OPCML: variants seen among roughly 807,000 people sequenced by gnomAD.
OPCML encodes opioid binding protein/cell adhesion molecule like, also known as opioid-binding protein/cell adhesion molecule.
In OPCML, 13 loss-of-function variants were observed where a neutral mutation model predicts 37.8. The ratio of observed to expected loss-of-function variants is 0.34; its 90% CI spans 0.22 to 0.55. The LOEUF is 0.55. Ranked by LOEUF, OPCML falls within the 20% of genes least tolerant of loss-of-function variation. The pLI, the probability that OPCML is intolerant of heterozygous loss-of-function variation, is 0.91. For missense variants in OPCML, 341 were observed against 435.6 expected (o/e 0.78, Z 1.93); for synonymous variants, 176 against 168.8 (o/e 1.04, Z -0.33).
At chr11:132,429,319 G>A (rs904490838) in intron 7 of OPCML, among the ~76,000 whole-genome samples, 1 of 152,214 alleles carries the variant, frequency 6.6e-6, no homozygotes, top group Non-Finnish European at 1.5e-5. Flanking sequence ...CAAACCGACA[G>A]GAGTTGGATT....
chr11:133,411,445 G>T (rs879865057), intron 1 of OPCML, among the ~76,000 whole-genome samples: 1 of 152,152 alleles, frequency 6.6e-6, no homozygotes. Flanking sequence ...AGGGAGGAAG[G>T]TCAGGCCAGA....
At chr11:133,013,075 G>A (rs1410567293) in intron 1 of OPCML, among the ~76,000 whole-genome samples, 1 of 152,102 alleles carries the variant, frequency 6.6e-6, no homozygotes, top group African/African-American at 2.4e-5. Context: ...ACAAGGAGAA[G>A]TTATGTAACT....
chr11:132,718,375 GATAAA>G (rs1178573670), intron 2 of OPCML, among the ~76,000 whole-genome samples: 4 of 152,148 alleles, frequency 2.6e-5, no homozygotes, highest in African/African-American at 4.8e-5. Flanking sequence ...TATTTAGAAT[GATAAA>G]ATAAACCACA....
rs987947950 is a variant in OPCML at position 133,207,936 on chromosome 11, C to CAT, written c.62-264928_62-264927dup. 7.2e-5 allele frequency among the ~76,000 whole-genome samples: 11 copies of CAT among 152,284 alleles called. 1 individual carries two copies. Among genetic ancestry groups the CAT allele is most frequent in the Non-Finnish European group, 2.9e-5 (2 of 68,032 alleles). On this transcript the variant is annotated intron_variant, in intron 1 of 7. Coordinates refer to ENST00000524381, the MANE Select transcript of OPCML (RefSeq NM_001012393.5). ...TTTACTTCGCCGCAGGGTCTTCATT[C>CAT]ATGCTGTGTTTTTGCCTGAAAAATA...
intron 1 of OPCML, among the ~76,000 whole-genome samples, chr11:133,379,106 T>C (rs1565603101): frequency 6.6e-6 from 1 of 151,152 alleles, no homozygotes; most frequent in South Asian, 2.1e-4. Context: ...TTTAAGTCTT[T>C]GAAAAGGGTA....
At chr11:132,986,986 G>A (rs150368901) in intron 1 of OPCML, among the ~76,000 whole-genome samples, 195 of 152,308 alleles carry the variant, frequency 1.3e-3, no homozygotes, top group African/African-American at 4.3e-3. Flanking sequence ...CCAGTGAGAC[G>A]ATGCGAATGT....
intron 1 of OPCML, among the ~76,000 whole-genome samples, chr11:133,453,204 A>T (rs920623689): frequency 1.3e-5 from 2 of 152,230 alleles, no homozygotes; most frequent in African/African-American, 4.8e-5. Context: ...TAAATTAAAT[A>T]AAATAAATCT....
intron 3 of OPCML, among the ~76,000 whole-genome samples, chr11:132,530,758 C>T (rs979912759): frequency 6.6e-6 from 1 of 152,122 alleles, no homozygotes; most frequent in African/African-American, 2.4e-5. Flanking sequence ...ACTGACAAAC[C>T]TCATCTCAGG....
intron 1 of OPCML, among the ~76,000 whole-genome samples, chr11:133,336,843 A>T (rs1391743442): frequency 4.6e-5 from 7 of 152,254 alleles, no homozygotes; most frequent in Non-Finnish European, 1.0e-4. Flanking sequence ...GATTTTCTAC[A>T]GATGGAAATA....
intron 1 of OPCML, among the ~76,000 whole-genome samples, chr11:133,216,747 A>G (rs1373186999): frequency 1.3e-5 from 2 of 152,224 alleles, no homozygotes; most frequent in Non-Finnish European, 2.9e-5. Flanking sequence ...CTTATTAACT[A>G]TCATGTAATA....
At chr11:133,120,500 T>C (rs1949403874) in intron 1 of OPCML, among the ~76,000 whole-genome samples, 1 of 152,158 alleles carries the variant, frequency 6.6e-6, no homozygotes, top group Non-Finnish European at 1.5e-5. Context: ...AATCAACTGA[T>C]AGGATTCTCT....
intron 1 of OPCML, among the ~76,000 whole-genome samples, chr11:133,322,246 A>C (rs1316358781): frequency 6.6e-6 from 1 of 152,158 alleles, no homozygotes; most frequent in African/African-American, 2.4e-5. Context: ...GCAGCCACTG[A>C]CTGATGGTAA....
At chr11:133,353,927 C>T (rs1033239472) in intron 1 of OPCML, among the ~76,000 whole-genome samples, 2 of 152,148 alleles carry the variant, frequency 1.3e-5, no homozygotes, top group African/African-American at 2.4e-5. Context: ...ATATATATCC[C>T]TTTTATCACA....
At position 133,267,423 on chromosome 11, in the gene OPCML, G is replaced by A. The variant is rs1941694269; in HGVS notation, c.61+264841C>T. Among the ~76,000 whole-genome samples the A allele has an allele frequency of 2.6e-5, 4 of 152,152 alleles. No homozygotes were observed. In the South Asian group the frequency reaches 8.3e-4, roughly 32 times the overall value. On this transcript the variant is annotated intron_variant, in intron 1 of 7. Transcript: ENST00000524381. ...TCAGTTTTCTCACTTGTAAGATGTA[G>A]ACAATCAAATCCTCCTTGCATATCT...
At chr11:133,220,234 A>G (rs1220879653) in intron 1 of OPCML, among the ~76,000 whole-genome samples, 6 of 152,276 alleles carry the variant, frequency 3.9e-5, no homozygotes, top group Admixed American at 1.3e-4. Flanking sequence ...GTGCTGCCAG[A>G]CAGGAGAGGG....
chr11:132,767,192 A>G (rs896125076), intron 2 of OPCML, among the ~76,000 whole-genome samples: 4 of 152,210 alleles, frequency 2.6e-5, no homozygotes, highest in African/African-American at 9.6e-5. Context: ...TAAAAAGCTA[A>G]AAAGGAGTTT....
At chr11:132,433,359 G>A (rs1166692658) in intron 7 of OPCML, among the ~76,000 whole-genome samples, 1 of 152,178 alleles carries the variant, frequency 6.6e-6, no homozygotes, top group Non-Finnish European at 1.5e-5. Flanking sequence ...TAGCCGAGTG[G>A]ACTCAGGCCT....
chr11:133,054,519 C>T (rs12365003), intron 1 of OPCML, among the ~76,000 whole-genome samples: 46,208 of 152,128 alleles, frequency 0.3, 7,708 homozygotes, highest in South Asian at 0.42. Context: ...GGCTGCTCCT[C>T]ACAGAGGCTT....
chr11:132,659,778 T>G (rs1941874701), intron 2 of OPCML, among the ~76,000 whole-genome samples: 1 of 152,138 alleles, frequency 6.6e-6, no homozygotes, highest in African/African-American at 2.4e-5. Flanking sequence ...CACTCCTGAT[T>G]ATCTGCTTTC....
Sources: gnomAD v4.1 joint callset for allele counts (sites outside exome capture counted in the v4.1 genomes callset) on GRCh38, gnomAD v4.1.1 for gene constraint, MANE v1.5 for transcripts, NCBI Gene and HGNC (gene_info 2026-07-23, HGNC 2026-07-21) for gene names.